The following SMYD3 variants were observed in gnomAD, a reference collection of about 807,000 sequenced individuals.
SMYD3 encodes histone-lysine N-methyltransferase SMYD3.
In SMYD3, 36 loss-of-function variants were observed where a neutral mutation model predicts 57.7. That is an observed-to-expected ratio of 0.62 (90% CI 0.48 to 0.82). The LOEUF is 0.82. Ranked by LOEUF, SMYD3 falls within the 40% of genes least tolerant of loss-of-function variation. The pLI is 0.00. For synonymous variants in SMYD3, 211 were observed against 195.0 expected (o/e 1.08, Z -0.68); for missense variants, 515 against 538.8 (o/e 0.96, Z 0.44).
At chr1:246,387,791 A>G (rs1458922265) in intron 1 of SMYD3, among the ~76,000 whole-genome samples, 1 of 152,258 alleles carries the variant, frequency 6.6e-6, no homozygotes, top group Non-Finnish European at 1.5e-5. Context: ...ATTAAAAATA[A>G]CATTTCAGAG....
At chr1:246,386,294 C>T (rs1233051604) in intron 1 of SMYD3, among the ~76,000 whole-genome samples, 1 of 152,146 alleles carries the variant, frequency 6.6e-6, no homozygotes, top group Non-Finnish European at 1.5e-5. Context: ...CTCTAGGAAA[C>T]TGGGCATTTC....
chr1:246,394,712 C>A (rs115935802), intron 1 of SMYD3, among the ~76,000 whole-genome samples: 5,403 of 151,418 alleles, frequency 0.036, 136 homozygotes, highest in Non-Finnish European at 0.049. Context: ...AGAGAGGCTC[C>A]CGAACCTAGC....
At chr1:246,207,681 C>T (rs2063022517) in intron 5 of SMYD3, among the ~76,000 whole-genome samples, 1 of 152,028 alleles carries the variant, frequency 6.6e-6, no homozygotes, top group Admixed American at 6.6e-5. Flanking sequence ...CTGAAGTCTA[C>T]AAAATTATAA....
chr1:246,091,413 T>G (rs557198009), intron 5 of SMYD3, among the ~76,000 whole-genome samples: 2 of 151,922 alleles, frequency 1.3e-5, no homozygotes, highest in South Asian at 2.1e-4. Flanking sequence ...CCATACCTCC[T>G]GTCTTTTCCA....
At chr1:245,971,826 T>C (rs923023286) in intron 5 of SMYD3, among the ~76,000 whole-genome samples, 3 of 152,308 alleles carry the variant, frequency 2.0e-5, no homozygotes, top group Middle Eastern at 3.4e-3. Context: ...AACAACTCTG[T>C]GAAGGAGGCT....
chr1:246,348,586 T>C (rs1433269547), intron 2 of SMYD3, among the ~76,000 whole-genome samples: 3 of 151,714 alleles, frequency 2.0e-5, no homozygotes, highest in South Asian at 2.1e-4. Context: ...ACAACAGACA[T>C]TGGAGAATAT....
intron 5 of SMYD3, among the ~76,000 whole-genome samples, chr1:246,197,463 C>T (rs987439423): frequency 6.6e-6 from 1 of 151,774 alleles, no homozygotes; most frequent in East Asian, 1.9e-4. Context: ...CCCCAAAATC[C>T]GTAACTCCAC....
At chr1:246,489,263 G>A (rs1426909987) in intron 1 of SMYD3, among the ~76,000 whole-genome samples, 3 of 152,046 alleles carry the variant, frequency 2.0e-5, no homozygotes, top group Admixed American at 1.3e-4. Context: ...GGAGAATGGC[G>A]TGAACCCGGG....
intron 5 of SMYD3, among the ~76,000 whole-genome samples, chr1:246,177,927 G>A (rs552094244): frequency 8.8e-4 from 134 of 152,304 alleles, no homozygotes; most frequent in African/African-American, 3.0e-3. Flanking sequence ...GGCTTAGGGA[G>A]GTGCTACTCT....
At chr1:245,772,232 G>C (rs2046367094) in intron 10 of SMYD3, among the ~76,000 whole-genome samples, 1 of 152,210 alleles carries the variant, frequency 6.6e-6, no homozygotes, top group Non-Finnish European at 1.5e-5. Context: ...CACAGGATTT[G>C]ACAACATCAC....
Position 246,481,621 on chromosome 1 carries a change from T to TATATATATATATATATACAC in SMYD3, c.164+25432_164+25433insGTGTATATATATATATATAT, listed in dbSNP as rs1307881494. The stretch of plus-strand genomic sequence containing the variant: ...ATATATATATATACACATACATATA[T>TATATATATATATATATACAC]ACATACATACATACACATATTCATA... On this transcript the variant is annotated intron_variant, in intron 1 of 11. Transcript: ENST00000490107. Among the ~76,000 whole-genome samples, 170 of 98,416 alleles carry TATATATATATATATATACAC rather than the reference T, an allele frequency of 1.7e-3. 4 individuals are homozygous for TATATATATATATATATACAC. Among genetic ancestry groups the TATATATATATATATATACAC allele is most frequent in the Non-Finnish European group, 1.8e-3 (88 of 47,926 alleles). The allele number at this position is 98,416 out of a possible 152,430, so 64.6% of individuals were successfully genotyped here. A position where few individuals can be genotyped will look rare whatever the true frequency, so the allele number is the denominator to read the frequency against.
intron 5 of SMYD3, among the ~76,000 whole-genome samples, chr1:246,223,629 G>A (rs1424906746): frequency 6.6e-6 from 1 of 152,048 alleles, no homozygotes; most frequent in Non-Finnish European, 1.5e-5. Flanking sequence ...ATGGACCTAC[G>A]ACTATACTAT....
At chr1:246,045,407 G>T (rs1169159261) in intron 5 of SMYD3, among the ~76,000 whole-genome samples, 2 of 152,116 alleles carry the variant, frequency 1.3e-5, no homozygotes, top group East Asian at 3.8e-4. Flanking sequence ...AATAAATGGT[G>T]CTGGGAAAAC....
chr1:246,124,482 G>A (rs977389986), intron 5 of SMYD3, among the ~76,000 whole-genome samples: 1 of 152,242 alleles, frequency 6.6e-6, no homozygotes, highest in East Asian at 1.9e-4. Context: ...CAAAGATGCT[G>A]TCCACAAAGA....
At chr1:245,759,559 G>A (rs2045754587) in intron 11 of SMYD3, among the ~76,000 whole-genome samples, 1 of 152,176 alleles carries the variant, frequency 6.6e-6, no homozygotes, top group Non-Finnish European at 1.5e-5. Context: ...TTAAGACATG[G>A]GAACAACAGA....
intron 5 of SMYD3, among the ~76,000 whole-genome samples, chr1:246,109,497 T>C (rs1317665131): frequency 6.6e-6 from 1 of 152,204 alleles, no homozygotes; most frequent in Non-Finnish European, 1.5e-5. Context: ...TAAATAAATA[T>C]AGTATGTTCT....
intron 5 of SMYD3, chr1:245,953,298 C>A (rs761346655): frequency 1.1e-5 from 11 of 998,522 alleles, no homozygotes; most frequent in Non-Finnish European, 1.3e-5. Flanking sequence ...ATTAATATAT[C>A]AACTCCAACT....
At chr1:245,909,963 G>C (rs1370543862) in intron 8 of SMYD3, among the ~76,000 whole-genome samples, 4 of 152,112 alleles carry the variant, frequency 2.6e-5, no homozygotes, top group Non-Finnish European at 5.9e-5. Context: ...TTCCTAGCCA[G>C]AGCAATTAGA....
At chr1:246,285,962 G>A (rs939595210) in intron 5 of SMYD3, among the ~76,000 whole-genome samples, 4 of 152,060 alleles carry the variant, frequency 2.6e-5, no homozygotes, top group Non-Finnish European at 5.9e-5. Flanking sequence ...CCGCAAGAAT[G>A]GCCATAACCA....
Sources: gnomAD v4.1 joint callset for allele counts (sites outside exome capture counted in the v4.1 genomes callset) on GRCh38, gnomAD v4.1.1 for gene constraint, MANE v1.5 for transcripts, NCBI Gene and HGNC (gene_info 2026-07-23, HGNC 2026-07-21) for gene names.